The following SPON1 variants were observed in gnomAD, a reference collection of about 807,000 sequenced individuals.
The protein encoded by SPON1 is spondin-1.
In SPON1, 52 loss-of-function variants were observed where a neutral mutation model predicts 111.7. The ratio of observed to expected loss-of-function variants is 0.47; its 90% CI spans 0.37 to 0.59. The LOEUF (loss-of-function observed/expected upper bound fraction) is 0.59. Ranked by LOEUF, SPON1 falls within the 20% of genes least tolerant of loss-of-function variation. The pLI is 0.00. For missense variants in SPON1, 957 were observed against 1,068.5 expected (o/e 0.90, Z 1.46); for synonymous variants, 410 against 395.8 (o/e 1.04, Z -0.43).
At chr11:14,249,541 C>T (rs557922463) in intron 7 of SPON1, among the ~76,000 whole-genome samples, 1 of 152,228 alleles carries the variant, frequency 6.6e-6, no homozygotes, top group African/African-American at 2.4e-5. Context: ...CTCTCGTGGC[C>T]AAATTGAGTT....
At chr11:14,017,634 T>C (rs1270492958) in intron 2 of SPON1, among the ~76,000 whole-genome samples, 1 of 152,202 alleles carries the variant, frequency 6.6e-6, no homozygotes, top group East Asian at 1.9e-4. Context: ...ACAACTTGCC[T>C]AAGGCCACCT....
chr11:14,119,493 T>C (rs1474572134), intron 5 of SPON1, among the ~76,000 whole-genome samples: 1 of 152,282 alleles, frequency 6.6e-6, no homozygotes, highest in East Asian at 1.9e-4. Flanking sequence ...CTGGCTAAAT[T>C]GACTCTCAAA....
rs1463081340 is a variant in SPON1, at chr11:14,254,620, T to C, written c.983T>C (p.Val328Ala). The C allele has an allele frequency of 6.2e-7, 1 of 1,613,854 alleles. No individual in the cohort carries two copies. Among genetic ancestry groups the C allele is most frequent in the Non-Finnish European group, 8.5e-7 (1 of 1,179,892 alleles). Residue 328 changes from valine (V) to alanine (A), a missense_variant, in exon 8 of 16, where the codon GTA becomes GCA. Around this residue, in one of 5 missense-constraint regions of SPON1, gnomAD observed 19 missense variants for 47.5 expected, o/e 0.40. Transcript: ENST00000576479. The stretch of plus-strand genomic sequence containing the variant: ...ATGGGCCCTAGTCCCGACTGGAACG[T>C]AGGCTTATCTGCAGAAGATCTGTGC... ...TMMGPSPDWN[V>A]GLSAEDLCTK...
At chr11:14,263,475 A>C (rs1359676944) in intron 15 of SPON1, among the ~76,000 whole-genome samples, 1 of 152,148 alleles carries the variant, frequency 6.6e-6, no homozygotes, top group African/African-American at 2.4e-5. Context: ...GGCTCAGACA[A>C]GGCAGCCGTG....
Position 14,267,888 on chromosome 11 carries a change from G to A in SPON1, c.*2201G>A, listed in dbSNP as rs1849290215. 6.6e-6 allele frequency: 1 copy of A among 152,202 alleles called. No homozygotes were observed. Among genetic ancestry groups the A allele is most frequent in the South Asian group, 2.1e-4 (1 of 4,834 alleles). The allele number at this position is 152,202 out of a possible 1,614,324, so 9.4% of individuals were successfully genotyped here. A position where few individuals can be genotyped will look rare whatever the true frequency, so the allele number is the denominator to read the frequency against. ...GTAAAAACTGCCATATAAAGAAGTT[G>A]TAATTGTTTGTTGTGTATGTATTTT... On this transcript the variant is annotated 3_prime_UTR_variant, in exon 16 of 16. Transcript: ENST00000576479.
At chr11:14,251,826 C>A (rs571062703) in intron 7 of SPON1, among the ~76,000 whole-genome samples, 1 of 152,178 alleles carries the variant, frequency 6.6e-6, no homozygotes, top group Non-Finnish European at 1.5e-5. Context: ...AGACTGCAAT[C>A]CTTGTGTGAA....
rs186549060 is a variant in SPON1, at chr11:13,979,887, C to T, written c.239-2960C>T. Among the ~76,000 whole-genome samples the T allele has an allele frequency of 2.2e-4, 34 of 152,304 alleles. No individual in the cohort carries two copies. In the East Asian group the frequency reaches 3.9e-3, roughly 17 times the overall value. On this transcript the variant is annotated intron_variant, in intron 1 of 15. Coordinates refer to ENST00000576479, the MANE Select transcript of SPON1 (RefSeq NM_006108.4). ...TGGCCTTGAAGACCACCCACCCTCA[C>T]CCTAGAGAGTCTAAGACTGCTTTTT...
At chr11:14,004,241 C>A (rs1554912835) in intron 2 of SPON1, among the ~76,000 whole-genome samples, 1 of 152,104 alleles carries the variant, frequency 6.6e-6, no homozygotes, top group Non-Finnish European at 1.5e-5. Flanking sequence ...CCCAAATGAA[C>A]ATGGACATTT....
intron 6 of SPON1, among the ~76,000 whole-genome samples, chr11:14,204,967 G>A (rs1245337308): frequency 3.9e-5 from 6 of 152,102 alleles, no homozygotes; most frequent in African/African-American, 1.2e-4. Context: ...GATTACAGGC[G>A]TGAGCCACCG....
chr11:14,257,808 C>A lies in SPON1; in HGVS notation c.1402C>A (p.Arg468Ser). 6.2e-7 allele frequency: 1 copy of A among 1,610,174 alleles called. No homozygotes were observed. The highest frequency in any genetic ancestry group is 8.5e-7 in the Non-Finnish European group (1 of 1,178,260). Reference sequence around the variant, plus strand: ...TGACAAAGGCAAGAGGATGCGACAGCGCATGCTGAAAGCACAGCTGGACCT... The same window carrying A: ...TGACAAAGGCAAGAGGATGCGACAGAGCATGCTGAAAGCACAGCTGGACCT... Reference protein sequence around the residue: ...TCDKGKRMRQRMLKAQLDLSV... With the variant: ...TCDKGKRMRQSMLKAQLDLSV... The change falls in exon 11 of 16, where the codon CGC (arginine) becomes AGC (serine). Residue 468 changes from arginine (R) to serine (S), a missense_variant. Coordinates refer to ENST00000576479, the MANE Select transcript of SPON1 (RefSeq NM_006108.4).
intron 5 of SPON1, among the ~76,000 whole-genome samples, chr11:14,126,617 T>G (rs1205444275): frequency 6.6e-6 from 1 of 152,208 alleles, no homozygotes; most frequent in African/African-American, 2.4e-5. Context: ...TGAACTCTGC[T>G]GGAACCAGTG....
At chr11:14,193,293 G>A (rs1295401106) in intron 6 of SPON1, among the ~76,000 whole-genome samples, 1 of 152,166 alleles carries the variant, frequency 6.6e-6, no homozygotes, top group Non-Finnish European at 1.5e-5. Context: ...AGGCCTGGGA[G>A]ATGATCAGAA....
intron 6 of SPON1, among the ~76,000 whole-genome samples, chr11:14,223,183 G>A (rs1848699935): frequency 6.6e-6 from 1 of 152,258 alleles, no homozygotes; most frequent in East Asian, 1.9e-4. Flanking sequence ...TGCCCAACAT[G>A]GTGAAACCCC....
intron 4 of SPON1, among the ~76,000 whole-genome samples, chr11:14,076,707 T>C (rs963709537): frequency 6.6e-6 from 1 of 152,206 alleles, no homozygotes; most frequent in Non-Finnish European, 1.5e-5. Context: ...GATCAATGCA[T>C]TGTCCTCCTG....
intron 2 of SPON1, among the ~76,000 whole-genome samples, chr11:14,040,809 A>G (rs1848625865): frequency 1.3e-5 from 2 of 152,046 alleles, no homozygotes; most frequent in South Asian, 4.2e-4. Context: ...AACCAATTGG[A>G]TTTAGATTAC....
intron 6 of SPON1, among the ~76,000 whole-genome samples, chr11:14,214,830 C>A (rs1171496018): frequency 6.6e-6 from 1 of 152,174 alleles, no homozygotes; most frequent in Non-Finnish European, 1.5e-5. Flanking sequence ...GTAACAAACT[C>A]CCCCTGTGAG....
At chr11:14,219,674 G>A (rs79446077) in intron 6 of SPON1, among the ~76,000 whole-genome samples, 6,097 of 152,168 alleles carry the variant, frequency 0.04, 422 homozygotes, top group African/African-American at 0.14. Flanking sequence ...GGAGTTTGTC[G>A]GGGTCTTCTG....
chr11:13,971,657 C>T (rs1848064264), intron 1 of SPON1, among the ~76,000 whole-genome samples: 1 of 151,962 alleles, frequency 6.6e-6, no homozygotes, highest in African/African-American at 2.4e-5. Flanking sequence ...AAAAGGTGGC[C>T]CTTTTCCTAT....
chr11:14,244,847 A>G (rs1848970496), intron 7 of SPON1, among the ~76,000 whole-genome samples: 1 of 152,238 alleles, frequency 6.6e-6, no homozygotes, highest in Admixed American at 6.5e-5. Flanking sequence ...TCCTTAGTTT[A>G]GCGTGCGCAG....
Sources: gnomAD v4.1 joint callset for allele counts (sites outside exome capture counted in the v4.1 genomes callset) on GRCh38, gnomAD v4.1.1 for gene constraint, gnomAD v4.1.1 regional missense constraint, MANE v1.5 for transcripts, NCBI Gene and HGNC (gene_info 2026-07-23, HGNC 2026-07-21) for gene names.